The following EMID1 variants were observed in gnomAD, a reference collection of about 807,000 sequenced individuals.
The protein encoded by EMID1 is EMI domain-containing protein 1.
In EMID1, 40 loss-of-function variants were observed where a neutral mutation model predicts 60.6. That is an observed-to-expected ratio of 0.66 (90% confidence interval 0.51 to 0.86). The LOEUF is 0.86. EMID1 is among the 40% of genes least tolerant of loss of function. The pLI is 0.00. For synonymous variants in EMID1, 242 were observed against 231.0 expected (o/e 1.05, Z -0.43); for missense variants, 585 against 597.1 (o/e 0.98, Z 0.21).
intron 5 of EMID1, among the ~76,000 whole-genome samples, chr22:29,228,099 T>A (rs1406668998): frequency 1.4e-5 from 2 of 144,184 alleles, no homozygotes; most frequent in African/African-American, 5.3e-5. Context: ...GAGGTTGCAG[T>A]GAGCCGAGAT....
intron 11 of EMID1, 39 bp downstream of exon 11, chr22:29,234,238 G>A (rs2040861099): frequency 6.2e-7 from 1 of 1,609,984 alleles, no homozygotes. Context: ...GAATTCTGGG[G>A]AGTCCTGAGG....
chr22:29,231,803 C>A, intron 7 of EMID1, 121 bp downstream of exon 7: 1 of 979,592 alleles, frequency 1.0e-6, no homozygotes, highest in Non-Finnish European at 1.4e-6. Context: ...CCTCTTCACT[C>A]AGCACCCCAC....
Position 29,237,838 on chromosome 22 carries a change from A to G in EMID1, c.1074+3489A>G, listed in dbSNP as rs1776754726. ...CAAAAAAAATCTGAGTTTCTGACAC[A>G]TAATTTTTGTCCTCTCTGAAGAACT... On this transcript the variant is annotated intron_variant, in intron 12 of 14. Transcript: ENST00000334018. Among the ~76,000 whole-genome samples the G allele has an allele frequency of 1.4e-5, 2 of 144,356 alleles. 1 individual carries two copies. The highest frequency in any genetic ancestry group is 4.5e-4 in the South Asian group (2 of 4,448). 94.7% of individuals were successfully genotyped at this position (144,356 alleles called of 152,430 possible).
At chr22:29,209,392 GC>G (rs1300342587) in intron 1 of EMID1, among the ~76,000 whole-genome samples, 1 of 152,100 alleles carries the variant, frequency 6.6e-6, no homozygotes, top group Non-Finnish European at 1.5e-5. Context: ...CAACCCCACT[GC>G]CCAGCCTCAT....
At chr22:29,212,510 A>C (rs1038018636) in intron 1 of EMID1, among the ~76,000 whole-genome samples, 29 of 151,194 alleles carry the variant, frequency 1.9e-4, no homozygotes, top group African/African-American at 5.3e-4. Flanking sequence ...GCCGCCTATC[A>C]TGGGTGCCTG....
chr22:29,254,327 T>G (rs752043265), intron 14 of EMID1, 40 bp downstream of exon 14: 2 of 1,592,634 alleles, frequency 1.3e-6, no homozygotes, highest in Non-Finnish European at 8.6e-7. Flanking sequence ...GCCCAGCCCC[T>G]GCCTGCCAGC....
At chr22:29,224,775 A>G (rs2040435842) in intron 3 of EMID1, among the ~76,000 whole-genome samples, 1 of 152,234 alleles carries the variant, frequency 6.6e-6, no homozygotes, top group African/African-American at 2.4e-5. Context: ...CAGATGGGAA[A>G]ATAAGTCCAG....
At chr22:29,221,499 C>T (rs1369160784) in intron 3 of EMID1, among the ~76,000 whole-genome samples, 8 of 152,150 alleles carry the variant, frequency 5.3e-5, no homozygotes, top group South Asian at 2.1e-4. Context: ...CTCAGCCTCC[C>T]GCGTAGCTGG....
rs182489321 is a variant in EMID1, at chr22:29,242,220, C to T, written c.1075-1225C>T. ...TTGGCCTCCCAAAGTGCTAGGATTA[C>T]AGGCTCTGTCTGTACTTTAAATTAT... On this transcript the variant is annotated intron_variant, in intron 12 of 14. Coordinates refer to ENST00000334018, the MANE Select transcript of EMID1 (RefSeq NM_133455.4). 1.7e-3 allele frequency among the ~76,000 whole-genome samples: 254 copies of T among 152,350 alleles called. 4 individuals carry two copies. Among genetic ancestry groups the T allele is most frequent in the Admixed American group, 0.015 (226 of 15,306 alleles).
intron 14 of EMID1, among the ~76,000 whole-genome samples, chr22:29,256,649 A>AAAG (rs1602071615): frequency 6.6e-6 from 1 of 152,040 alleles, no homozygotes; most frequent in African/African-American, 2.4e-5. Context: ...CATGAGTGGC[A>AAAG]GGGAATCGTA....
At chr22:29,239,615 T>G (rs1330930944) in intron 12 of EMID1, among the ~76,000 whole-genome samples, 1 of 152,260 alleles carries the variant, frequency 6.6e-6, no homozygotes, top group Admixed American at 6.5e-5. Flanking sequence ...ACTGTGTTTT[T>G]GCCTTTTAGT....
intron 1 of EMID1, among the ~76,000 whole-genome samples, chr22:29,208,552 C>T (rs1029044566): frequency 3.9e-5 from 6 of 152,194 alleles, no homozygotes; most frequent in African/African-American, 9.7e-5. Flanking sequence ...GGCTTCCTTC[C>T]GGCAAATCCT....
intron 13 of EMID1, among the ~76,000 whole-genome samples, chr22:29,253,081 G>A (rs2146453596): frequency 6.6e-6 from 1 of 152,316 alleles, no homozygotes; most frequent in South Asian, 2.1e-4. Flanking sequence ...AAGCAATATA[G>A]GCTTTCAGTA....
rs570454238 is a variant in EMID1, at chr22:29,223,625, C to T, written c.320-1508C>T. On this transcript the variant is annotated intron_variant, in intron 3 of 14. Transcript: ENST00000334018. The stretch of plus-strand genomic sequence containing the variant: ...TTCAAATCCAGGCTTGGGACTGTCC[C>T]GTGGACAACTGATGCCGAGTTGCCT... 5.3e-4 allele frequency among the ~76,000 whole-genome samples: 81 copies of T among 152,344 alleles called. No individual in the cohort carries two copies. In the South Asian group the frequency reaches 0.015, roughly 29 times the overall value.
intron 14 of EMID1, chr22:29,255,465 AC>A: frequency 2.3e-6 from 2 of 859,396 alleles, no homozygotes; most frequent in Non-Finnish European, 3.3e-6. Flanking sequence ...AGGCCAGCGG[AC>A]ACTCATTCTT....
Position 29,223,126 on chromosome 22 carries a change from G to T in EMID1, c.320-2007G>T, listed in dbSNP as rs571555368. Among the ~76,000 whole-genome samples, 49 of 152,300 alleles carry T rather than the reference G, an allele frequency of 3.2e-4. 1 individual carries two copies. Among genetic ancestry groups the T allele is most frequent in the Non-Finnish European group, 5.4e-4 (37 of 68,024 alleles). On this transcript the variant is annotated intron_variant, in intron 3 of 14. Transcript: ENST00000334018. Reference sequence around the variant, plus strand: ...GAAGTTTTATACATGAGGCCCATGAGGTCCTACTGGGTGCTGGGCACTTTT... The same window carrying T: ...GAAGTTTTATACATGAGGCCCATGATGTCCTACTGGGTGCTGGGCACTTTT...
chr22:29,212,503 G>A (rs868821754), intron 1 of EMID1, among the ~76,000 whole-genome samples: 10 of 151,652 alleles, frequency 6.6e-5, no homozygotes, highest in African/African-American at 1.7e-4. Flanking sequence ...TGACTGTGCC[G>A]CCTATCATGG....
At chr22:29,224,353 C>T (rs1453428832) in intron 3 of EMID1, among the ~76,000 whole-genome samples, 1 of 152,226 alleles carries the variant, frequency 6.6e-6, no homozygotes, top group Non-Finnish European at 1.5e-5. Context: ...AGTGCTGGCT[C>T]CACAGCCTCT....
intron 13 of EMID1, among the ~76,000 whole-genome samples, chr22:29,250,161 C>T (rs531179210): frequency 3.3e-5 from 5 of 152,290 alleles, no homozygotes; most frequent in African/African-American, 9.6e-5. Flanking sequence ...GAGGCTGAGA[C>T]GGGAGGATCA....
Sources: allele counts gnomAD v4.1 joint callset (sites outside exome capture counted in the v4.1 genomes callset), GRCh38; gene constraint gnomAD v4.1.1; transcripts MANE v1.5; gene names NCBI Gene and HGNC (gene_info 2026-07-23, HGNC 2026-07-21).